CDH13: variants seen among roughly 807,000 people sequenced by gnomAD.
CDH13 encodes cadherin-13.
CDH13 carries 24 observed loss-of-function variants against 63.8 expected under a neutral mutation model. That is an observed-to-expected ratio of 0.38 (90% confidence interval 0.27 to 0.53). CDH13 has a LOEUF of 0.53. Ranked by LOEUF, CDH13 falls within the 20% of genes least tolerant of loss-of-function variation. CDH13 has a pLI of 0.85. For missense variants in CDH13, 1,049 were observed against 903.1 expected, an observed-to-expected ratio of 1.16 and a Z score of -2.07; for synonymous variants, 503 against 355.3, an observed-to-expected ratio of 1.42 and a Z score of -4.67.
chr16:83,657,601 G>A (rs1567489559), intron 8 of CDH13, among the ~76,000 whole-genome samples: 1 of 152,196 alleles, frequency 6.6e-6, no homozygotes, highest in Non-Finnish European at 1.5e-5. Flanking sequence ...TTCTTTGCTG[G>A]AGAGGCTGTG....
At chr16:83,646,183 C>G (rs1433249785) in intron 8 of CDH13, among the ~76,000 whole-genome samples, 8 of 152,164 alleles carry the variant, frequency 5.3e-5, no homozygotes, top group Admixed American at 4.6e-4. Context: ...AATCCCATCT[C>G]TCCACTCCCT....
At chr16:83,034,055 C>T (rs905586801) in intron 3 of CDH13, among the ~76,000 whole-genome samples, 7 of 152,222 alleles carry the variant, frequency 4.6e-5, no homozygotes, top group Middle Eastern at 3.4e-3. Context: ...GTTACCTTCC[C>T]GCCAGTGCTG....
In CDH13 at chr16:83,346,136, C is replaced by T. The variant is rs16960273; in HGVS notation, c.781+1130C>T. 7.9e-3 allele frequency among the ~76,000 whole-genome samples: 1,208 copies of T among 152,222 alleles called. 32 individuals are homozygous for T. Among genetic ancestry groups the T allele is most frequent in the Admixed American group, 0.059 (896 of 15,286 alleles). ...TTCCTTCCCAGCTTTAAATGCGCTC[C>T]GTAAAAATGAAAGCAAATGCACTGC... On this transcript the variant is annotated intron_variant, in intron 6 of 13. Coordinates refer to ENST00000567109, the MANE Select transcript of CDH13 (RefSeq NM_001257.5).
chr16:83,396,217 C>T (rs79142012), intron 6 of CDH13, among the ~76,000 whole-genome samples: 2,134 of 152,244 alleles, frequency 0.014, 50 homozygotes, highest in African/African-American at 0.049. Context: ...AGGTTGATTC[C>T]GTGCCTTTGC....
At chr16:83,479,126 C>T (rs953950846) in intron 6 of CDH13, among the ~76,000 whole-genome samples, 6 of 152,152 alleles carry the variant, frequency 3.9e-5, no homozygotes, top group African/African-American at 9.7e-5. Flanking sequence ...CCAGAGGAAG[C>T]GGATGCATGC....
chr16:83,239,508 G>C (rs1426285405), intron 5 of CDH13, among the ~76,000 whole-genome samples: 1 of 147,680 alleles, frequency 6.8e-6, no homozygotes, highest in Non-Finnish European at 1.5e-5. Flanking sequence ...GGGGCATCAT[G>C]CTGGGTAATT....
At position 83,670,805 on chromosome 16, in the gene CDH13, G is replaced by A. The variant is rs371398399; in HGVS notation, c.1117G>A (p.Glu373Lys). ...TTGTTTGCAGTTTCAAGCCACAGTC[G>A]AGGAAGGAGCTGTGGGAGTTATTGT... ...FTKKEFQATV[E>K]EGAVGVIVNL... is the part of the protein sequence containing the mutation. The change falls in exon 9 of 14, where the codon GAG becomes AAG. Residue 373 changes from glutamate to lysine, a missense_variant. Transcript: ENST00000567109. The A allele has an allele frequency of 2.5e-5, 41 of 1,613,770 alleles. No individual in the cohort carries two copies. The highest frequency in any genetic ancestry group is 6.7e-5 in the East Asian group (3 of 44,886).
intron 1 of CDH13, among the ~76,000 whole-genome samples, chr16:82,660,873 T>TG (rs1403360544): frequency 2.0e-5 from 3 of 152,108 alleles, no homozygotes; most frequent in Non-Finnish European, 2.9e-5. Flanking sequence ...TTAACAAAGA[T>TG]GTAAAGAGCC....
intron 1 of CDH13, among the ~76,000 whole-genome samples, chr16:82,781,243 T>C (rs2035739048): frequency 1.3e-5 from 2 of 152,226 alleles, no homozygotes; most frequent in Admixed American, 6.5e-5. Flanking sequence ...GGAAACATTA[T>C]ACCAATTGGC....
chr16:82,757,606 G>A (rs2034660641), intron 1 of CDH13, among the ~76,000 whole-genome samples: 1 of 151,994 alleles, frequency 6.6e-6, no homozygotes, highest in African/African-American at 2.4e-5. Flanking sequence ...ACCGCAGCTT[G>A]CAAATGCAAG....
In CDH13 at chr16:83,243,715, A is replaced by T. The variant is rs116735738; in HGVS notation, c.636+26218A>T. Among the ~76,000 whole-genome samples the T allele has an allele frequency of 1.4e-3, 211 of 152,314 alleles. 1 individual carries two copies. The highest frequency in any genetic ancestry group is 5.0e-3 in the African/African-American group (207 of 41,578). ...TGAGAGCAAAAAGGACTATGTTAAT[A>T]TTTAGGCTAGGACTACAAACATAAA... On this transcript the variant is annotated intron_variant, in intron 5 of 13. Transcript: ENST00000567109.
chr16:82,906,869 C>G (rs921770658), intron 2 of CDH13, among the ~76,000 whole-genome samples: 1 of 152,180 alleles, frequency 6.6e-6, no homozygotes, highest in Non-Finnish European at 1.5e-5. Context: ...TTCTGCCTCT[C>G]TGTCTGTGTG....
intron 11 of CDH13, among the ~76,000 whole-genome samples, chr16:83,752,153 C>A (rs1203527209): frequency 6.6e-6 from 1 of 152,304 alleles, no homozygotes; most frequent in Non-Finnish European, 1.5e-5. Context: ...GTATCTGTAT[C>A]TGTGGAGAAA....
rs115307581 is a variant in CDH13, at chr16:83,378,149, C to T, written c.781+33143C>T. ...CATCACCATCATCACTACGATTTAT[C>T]CAGCCTTTGCTCTATGGTAGATGCT... On this transcript the variant is annotated intron_variant, in intron 6 of 13. Coordinates refer to ENST00000567109, the MANE Select transcript of CDH13 (RefSeq NM_001257.5). 4.8e-3 allele frequency among the ~76,000 whole-genome samples: 729 copies of T among 152,296 alleles called. 9 individuals are homozygous for T. The highest frequency in any genetic ancestry group is 0.017 in the African/African-American group (707 of 41,556).
chr16:83,295,728 T>A (rs2089576552), intron 5 of CDH13, among the ~76,000 whole-genome samples: 1 of 152,176 alleles, frequency 6.6e-6, no homozygotes, highest in Non-Finnish European at 1.5e-5. Context: ...TTGATGGGAA[T>A]GTAAGTACAG....
At chr16:82,729,476 T>C (rs1009473597) in intron 1 of CDH13, among the ~76,000 whole-genome samples, 1 of 152,128 alleles carries the variant, frequency 6.6e-6, no homozygotes, top group Admixed American at 6.5e-5. Context: ...TAGGCAGTGA[T>C]ATTTTGGAAG....
intron 1 of CDH13, among the ~76,000 whole-genome samples, chr16:82,818,096 T>C (rs1197759747): frequency 6.7e-6 from 1 of 148,790 alleles, no homozygotes; most frequent in Non-Finnish European, 1.5e-5. Flanking sequence ...ATGAATGTAT[T>C]CACTCATACA....
intron 5 of CDH13, among the ~76,000 whole-genome samples, chr16:83,335,655 T>G (rs1325334665): frequency 6.6e-6 from 1 of 152,148 alleles, no homozygotes; most frequent in Non-Finnish European, 1.5e-5. Flanking sequence ...GCCTTGTAGT[T>G]AAAGATTGAC....
intron 5 of CDH13, among the ~76,000 whole-genome samples, chr16:83,329,805 G>C (rs1182653229): frequency 6.6e-6 from 1 of 152,104 alleles, no homozygotes; most frequent in Non-Finnish European, 1.5e-5. Context: ...CTTTATTTCA[G>C]TTAATATAAT....
Sources: allele counts gnomAD v4.1 joint callset (sites outside exome capture counted in the v4.1 genomes callset), GRCh38; gene constraint gnomAD v4.1.1; transcripts MANE v1.5; gene names NCBI Gene and HGNC (gene_info 2026-07-23, HGNC 2026-07-21).